Variants in LEF1 observed in about 807,000 individuals in gnomAD.
LEF1 encodes the protein lymphoid enhancer binding factor 1, also known as lymphoid enhancer-binding factor 1.
Under a neutral mutation model 51.2 loss-of-function variants are expected in LEF1, and 14 were observed. The observed-to-expected ratio is 0.27, with a 90% CI of 0.18 to 0.43. The LOEUF (loss-of-function observed/expected upper bound fraction) is 0.43. LEF1 is among the 20% of genes least tolerant of loss of function. LEF1 has a pLI of 1.00. For missense variants in LEF1, 386 were observed against 512.0 expected, an observed-to-expected ratio of 0.75 and a Z score of 2.37; for synonymous variants, 185 against 183.2, an observed-to-expected ratio of 1.01 and a Z score of -0.08.
intron 3 of LEF1, among the ~76,000 whole-genome samples, chr4:108,111,012 T>C (rs976115458): frequency 2.0e-5 from 3 of 152,168 alleles, no homozygotes; most frequent in African/African-American, 7.2e-5. Context: ...ACCTAACAAT[T>C]GGGTAAAATT....
intron 6 of LEF1, among the ~76,000 whole-genome samples, chr4:108,080,237 C>T (rs1739192458): frequency 1.3e-5 from 2 of 152,092 alleles, no homozygotes; most frequent in South Asian, 4.1e-4. Context: ...TTCCCAAGTA[C>T]GCTTGAACAG....
At position 108,050,555 on chromosome 4, in the gene LEF1, G is replaced by C. The variant is rs982949166; in HGVS notation, c.*7-1804C>G. Reference sequence around the variant, plus strand: ...AGAAACAGGGCTCTAGCAGAGCCTGGGGTGGGAGAGAGGGCACCCCACAGA... The same window carrying C: ...AGAAACAGGGCTCTAGCAGAGCCTGCGGTGGGAGAGAGGGCACCCCACAGA... On this transcript the variant is annotated intron_variant, in intron 11 of 11. Transcript: ENST00000265165. 5.3e-5 allele frequency among the ~76,000 whole-genome samples: 8 copies of C among 152,172 alleles called. No individual in the cohort carries two copies. In the East Asian group the frequency reaches 1.3e-3, roughly 26 times the overall value.
chr4:108,094,407 C>T (rs765816213), intron 3 of LEF1, among the ~76,000 whole-genome samples: 5 of 152,192 alleles, frequency 3.3e-5, no homozygotes, highest in African/African-American at 7.2e-5. Context: ...CCTGTGGACA[C>T]GAAGTGGGTG....
intron 3 of LEF1, among the ~76,000 whole-genome samples, chr4:108,128,049 A>G (rs1317484497): frequency 6.6e-6 from 1 of 152,200 alleles, no homozygotes; most frequent in African/African-American, 2.4e-5. Flanking sequence ...CATAATTTGA[A>G]TTGATAAATA....
intron 3 of LEF1, among the ~76,000 whole-genome samples, chr4:108,132,093 T>A (rs907622998): frequency 1.3e-5 from 2 of 152,202 alleles, no homozygotes; most frequent in Non-Finnish European, 2.9e-5. Context: ...GTGCCTACCC[T>A]TAATAAGGAT....
intron 3 of LEF1, among the ~76,000 whole-genome samples, chr4:108,089,840 G>A (rs1167754329): frequency 2.0e-5 from 3 of 151,982 alleles, no homozygotes; most frequent in Non-Finnish European, 2.9e-5. Flanking sequence ...CCATTCTTTC[G>A]AGTTTTATAG....
At chr4:108,097,570 A>C (rs578228643) in intron 3 of LEF1, among the ~76,000 whole-genome samples, 1 of 152,314 alleles carries the variant, frequency 6.6e-6, no homozygotes, top group Admixed American at 6.5e-5. Flanking sequence ...AAAATAACTA[A>C]AAGAGTGGAA....
At position 108,167,915 on chromosome 4, in the gene LEF1, C is replaced by T. The variant is rs1292734055; in HGVS notation, c.-148G>A. ...CGGGCGGAAGCGGGGCGGGCGAGCGCGGGGCCGCCGGCCGGCAGCCGGAGC... is the reference window on the plus strand; with the variant it reads ...CGGGCGGAAGCGGGGCGGGCGAGCGTGGGGCCGCCGGCCGGCAGCCGGAGC... On this transcript the variant is annotated 5_prime_UTR_variant, in exon 1 of 12. Transcript: ENST00000265165. The surrounding 1 kb of genome is among the most constrained non-coding windows in gnomAD (Gnocchi z 5.7). 5 of 489,438 alleles carry T rather than the reference C, an allele frequency of 1.0e-5. No individual in the cohort carries two copies. The highest frequency in any genetic ancestry group is 1.3e-5 in the Non-Finnish European group (4 of 312,224). The allele number at this position is 489,438 out of a possible 1,614,324, so 30.3% of individuals were successfully genotyped here. A position where few individuals can be genotyped will look rare whatever the true frequency, so the allele number is the denominator to read the frequency against.
At chr4:108,083,729 C>G (rs536030734) in intron 4 of LEF1, among the ~76,000 whole-genome samples, 1 of 152,208 alleles carries the variant, frequency 6.6e-6, no homozygotes, top group African/African-American at 2.4e-5. Context: ...GTTTTGCCCT[C>G]AATATTTCAC....
At chr4:108,102,942 A>G (rs1249589460) in intron 3 of LEF1, among the ~76,000 whole-genome samples, 3 of 152,236 alleles carry the variant, frequency 2.0e-5, no homozygotes, top group African/African-American at 7.2e-5. Context: ...CCTGCAAGAA[A>G]GGTATTAATA....
In LEF1 at chr4:108,079,542, T is replaced by G. The variant is rs747360933; in HGVS notation, c.795A>C (p.Thr265=). The change falls in exon 7 of 12, where the codon ACA becomes ACC. Residue 265 remains threonine (T), a synonymous_variant. Transcript: ENST00000265165. ...GGGGATGTTCCTGTTTGACCTGAGG[T>G]GTTACAATAGCTGGATGAGGGATGC... The part of the protein sequence containing the change: ...TTGIPHPAIV[T]PQVKQEHPHT... The G allele has an allele frequency of 6.2e-7, 1 of 1,613,942 alleles. No individual in the cohort carries two copies. Among genetic ancestry groups the G allele is most frequent in the Admixed American group, 1.7e-5 (1 of 60,004 alleles).
chr4:108,078,438 A>T lies in LEF1; in HGVS notation c.846-56T>A, dbSNP rs774732890. ...AAGGGGTTGAAGGAATGAGGAAGGGATGGGGGAGGAGAAAAGCAGAGCACC... is the reference window on the plus strand; with the variant it reads ...AAGGGGTTGAAGGAATGAGGAAGGGTTGGGGGAGGAGAAAAGCAGAGCACC... On this transcript the variant is annotated intron_variant, in intron 7 of 11. Coordinates refer to ENST00000265165, the MANE Select transcript of LEF1 (RefSeq NM_016269.5). 7 of 1,608,976 alleles carry T rather than the reference A, an allele frequency of 4.4e-6. No individual in the cohort carries two copies. In the Admixed American group the frequency reaches 1.2e-4, roughly 27 times the overall value.
At chr4:108,083,545 A>T (rs542235473) in intron 4 of LEF1, 99 bp from the exon 5 acceptor site, 69 of 687,076 alleles carry the variant, frequency 1.0e-4, no homozygotes, top group Non-Finnish European at 1.6e-4. Flanking sequence ...AAGGTTCAGA[A>T]TGAAACAATA....
At chr4:108,112,009 C>A (rs1388809884) in intron 3 of LEF1, among the ~76,000 whole-genome samples, 2 of 152,140 alleles carry the variant, frequency 1.3e-5, no homozygotes, top group African/African-American at 4.8e-5. Context: ...TCTGTGAAAT[C>A]GACCCTGCCC....
chr4:108,099,554 GTA>G (rs1375615768), intron 3 of LEF1, among the ~76,000 whole-genome samples: 13 of 37,034 alleles, frequency 3.5e-4, no homozygotes, highest in Admixed American at 5.8e-4. Context: ...GTGTGTGTGT[GTA>G]TGTGTGTGTG....
chr4:108,051,095 A>G (rs1028369434), intron 11 of LEF1, among the ~76,000 whole-genome samples: 3 of 152,202 alleles, frequency 2.0e-5, no homozygotes, highest in East Asian at 1.9e-4. Flanking sequence ...GAAAGAGTCT[A>G]TATCTCCTAA....
intron 9 of LEF1, among the ~76,000 whole-genome samples, chr4:108,066,410 C>T (rs997287524): frequency 4.1e-4 from 62 of 152,218 alleles, no homozygotes; most frequent in African/African-American, 1.5e-3. Context: ...ATCCCTCAGG[C>T]AGAGCTGGGG....
At chr4:108,077,389 G>A (rs1738939814) in intron 8 of LEF1, among the ~76,000 whole-genome samples, 1 of 151,822 alleles carries the variant, frequency 6.6e-6, no homozygotes, top group African/African-American at 2.4e-5. Flanking sequence ...TGGGAGGTGA[G>A]GGGCACCTCT....
At chr4:108,057,760 A>G (rs1426843001) in intron 11 of LEF1, among the ~76,000 whole-genome samples, 2 of 152,206 alleles carry the variant, frequency 1.3e-5, no homozygotes, top group Admixed American at 6.5e-5. Flanking sequence ...CTGAACATTA[A>G]CTACTATATT....
Sources: allele counts gnomAD v4.1 joint callset (sites outside exome capture counted in the v4.1 genomes callset), GRCh38; gene constraint gnomAD v4.1.1; non-coding constraint Gnocchi (gnomAD v3.1); transcripts MANE v1.5; gene names NCBI Gene and HGNC (gene_info 2026-07-23, HGNC 2026-07-21).